PIBF1: variants seen among roughly 807,000 people sequenced by gnomAD.
The protein encoded by PIBF1 is progesterone immunomodulatory binding factor 1.
Under a neutral mutation model 112.5 loss-of-function variants are expected in PIBF1, and 90 were observed. That is an observed-to-expected ratio of 0.80 (90% CI 0.67 to 0.95). The LOEUF (loss-of-function observed/expected upper bound fraction) is 0.95, where lower values mean the gene tolerates loss of function less well. Ranked by LOEUF, PIBF1 falls within the 40% of genes least tolerant of loss-of-function variation. The pLI is 0.00. For synonymous variants in PIBF1, 301 were observed against 288.6 expected (o/e 1.04, Z -0.44); for missense variants, 915 against 852.3 (o/e 1.07, Z -0.92).
intron 13 of PIBF1, among the ~76,000 whole-genome samples, chr13:72,927,090 C>A (rs916936481): frequency 6.7e-6 from 1 of 148,648 alleles, no homozygotes; most frequent in African/African-American, 2.5e-5. Flanking sequence ...GAAACAGAGT[C>A]TCACTCAGTT....
At chr13:72,805,257 C>G (rs2035670653) in intron 5 of PIBF1, among the ~76,000 whole-genome samples, 1 of 152,350 alleles carries the variant, frequency 6.6e-6, no homozygotes, top group African/African-American at 2.4e-5. Flanking sequence ...ATTCTCCTGC[C>G]TCAACCTCCC....
rs180925923 is a variant in PIBF1, at chr13:72,973,381, A to G, written c.1965-210A>G. On this transcript the variant is annotated intron_variant, in intron 15 of 17. Coordinates refer to ENST00000326291, the MANE Select transcript of PIBF1 (RefSeq NM_006346.4). ...GGAGAGGGAAGAAAGAAAAGAAAAA[A>G]GAAAGGAAAAGAAAAGAAAAAGATC... Among the ~76,000 whole-genome samples the G allele has an allele frequency of 9.3e-4, 142 of 152,250 alleles. 1 individual carries two copies. The East Asian group carries it at 0.024, about 25-fold the overall frequency.
chr13:72,985,836 C>A (rs1016011891), intron 16 of PIBF1, among the ~76,000 whole-genome samples: 1 of 151,928 alleles, frequency 6.6e-6, no homozygotes, highest in African/African-American at 2.4e-5. Flanking sequence ...GCAACAAAAC[C>A]CATCAAACAC....
intron 10 of PIBF1, among the ~76,000 whole-genome samples, chr13:72,892,124 T>A (rs572656553): frequency 2.0e-4 from 30 of 152,250 alleles, no homozygotes; most frequent in Admixed American, 9.2e-4. Context: ...GTAAATAAGC[T>A]AAAAACCACA....
At chr13:72,844,789 A>ACACACGCACACG (rs1555296222) in intron 9 of PIBF1, among the ~76,000 whole-genome samples, 2 of 119,562 alleles carry the variant, frequency 1.7e-5, no homozygotes, top group African/African-American at 3.8e-5. Context: ...ACACACACAC[A>ACACACGCACACG]CACACACACA....
intron 8 of PIBF1, 87 bp downstream of exon 8, chr13:72,828,001 GA>G (rs2036903078): frequency 3.4e-5 from 29 of 856,970 alleles, no homozygotes; most frequent in Non-Finnish European, 4.9e-5. Context: ...AAGATTTAGT[GA>G]TTTTTTTAAG....
intron 13 of PIBF1, among the ~76,000 whole-genome samples, chr13:72,927,633 T>G (rs1398312423): frequency 6.6e-6 from 1 of 152,154 alleles, no homozygotes; most frequent in African/African-American, 2.4e-5. Flanking sequence ...GTGATCTGCC[T>G]GCCTTGGCCT....
chr13:72,983,795 A>T (rs12866222), intron 16 of PIBF1, among the ~76,000 whole-genome samples: 10 of 152,088 alleles, frequency 6.6e-5, no homozygotes, highest in Non-Finnish European at 1.3e-4. Context: ...AATTTTCTTA[A>T]GAGTATCTTT....
At chr13:72,790,253 A>G (rs2034827955) in intron 2 of PIBF1, among the ~76,000 whole-genome samples, 1 of 152,212 alleles carries the variant, frequency 6.6e-6, no homozygotes, top group African/African-American at 2.4e-5. Flanking sequence ...CAGAAACAGA[A>G]GAGTTACATT....
At chr13:72,818,076 A>G (rs971319296) in intron 5 of PIBF1, among the ~76,000 whole-genome samples, 4 of 147,760 alleles carry the variant, frequency 2.7e-5, no homozygotes, top group African/African-American at 7.3e-5. Context: ...ATACATATAT[A>G]TACACTATGT....
intron 4 of PIBF1, among the ~76,000 whole-genome samples, chr13:72,796,975 C>T (rs930875849): frequency 2.6e-5 from 4 of 152,014 alleles, no homozygotes; most frequent in Admixed American, 1.3e-4. Context: ...AGATTGCATG[C>T]CTATATGATA....
At chr13:72,796,901 A>G (rs1390228025) in intron 4 of PIBF1, among the ~76,000 whole-genome samples, 1 of 152,120 alleles carries the variant, frequency 6.6e-6, no homozygotes, top group Non-Finnish European at 1.5e-5. Context: ...GAGGGCTAGT[A>G]TTAAGATTTG....
chr13:72,875,023 T>C (rs190989910), intron 10 of PIBF1, among the ~76,000 whole-genome samples: 22 of 151,922 alleles, frequency 1.4e-4, no homozygotes, highest in African/African-American at 4.3e-4. Context: ...CTCTTAAGGG[T>C]TGTACATTCT....
At chr13:72,840,823 G>A in intron 9 of PIBF1, among the ~76,000 whole-genome samples, 1 of 152,170 alleles carries the variant, frequency 6.6e-6, no homozygotes, top group East Asian at 1.9e-4. Flanking sequence ...ACCATGCCCG[G>A]CCCCAATAAA....
At chr13:72,940,637 C>G (rs2041986287) in intron 14 of PIBF1, among the ~76,000 whole-genome samples, 1 of 152,016 alleles carries the variant, frequency 6.6e-6, no homozygotes, top group East Asian at 1.9e-4. Context: ...TAGCTTTGTT[C>G]TGGGACATAG....
At chr13:72,888,836 A>G (rs2039954971) in intron 10 of PIBF1, among the ~76,000 whole-genome samples, 1 of 152,034 alleles carries the variant, frequency 6.6e-6, no homozygotes, top group Non-Finnish European at 1.5e-5. Context: ...AAAAAAAACA[A>G]ACCTCTTAGA....
At chr13:72,882,845 G>A (rs2039697052) in intron 10 of PIBF1, among the ~76,000 whole-genome samples, 1 of 152,218 alleles carries the variant, frequency 6.6e-6, no homozygotes, top group South Asian at 2.1e-4. Context: ...TGGTGGGAAT[G>A]TAACTTAGTA....
chr13:72,917,352 G>T (rs1011449276), intron 13 of PIBF1, among the ~76,000 whole-genome samples, 186 bp downstream of exon 13: 28 of 151,766 alleles, frequency 1.8e-4, no homozygotes, highest in African/African-American at 6.8e-4. Context: ...AAATTTAGTG[G>T]TTTGTAGAAG....
intron 15 of PIBF1, among the ~76,000 whole-genome samples, chr13:72,971,449 A>T (rs781463380): frequency 2.0e-5 from 3 of 152,188 alleles, no homozygotes; most frequent in Non-Finnish European, 4.4e-5. Flanking sequence ...CTAGCAGAAC[A>T]TGGCACTCAG....
Sources: gnomAD v4.1 joint callset for allele counts (sites outside exome capture counted in the v4.1 genomes callset) on GRCh38, gnomAD v4.1.1 for gene constraint, MANE v1.5 for transcripts, NCBI Gene and HGNC (gene_info 2026-07-23, HGNC 2026-07-21) for gene names.